Variants in MEGF9 observed in about 807,000 individuals in gnomAD.
MEGF9 encodes multiple EGF like domains 9.
In MEGF9, 6 loss-of-function variants were observed where a neutral mutation model predicts 46.8. The observed-to-expected ratio is 0.13, with a 90% CI of 0.07 to 0.25. MEGF9 has a LOEUF of 0.25. Among genes scored for constraint, MEGF9 ranks in the 10% least tolerant of loss-of-function variants. MEGF9 has a pLI of 1.00. For missense variants in MEGF9, 683 were observed against 792.4 expected (o/e 0.86, Z 1.66); for synonymous variants, 302 against 330.7 (o/e 0.91, Z 0.94).
intron 1 of MEGF9, among the ~76,000 whole-genome samples, chr9:120,663,118 G>A (rs2043710070): frequency 6.6e-6 from 1 of 152,176 alleles, no homozygotes; most frequent in African/African-American, 2.4e-5. Context: ...TAAGAAGGGG[G>A]CTGACACATC....
chr9:120,680,516 G>T (rs2043793352), intron 1 of MEGF9, among the ~76,000 whole-genome samples: 1 of 152,122 alleles, frequency 6.6e-6, no homozygotes, highest in South Asian at 2.1e-4. Flanking sequence ...CTGAAACTGG[G>T]GGTGTGGTAA....
At chr9:120,614,048 C>CCT (rs1176028962) in intron 3 of MEGF9, among the ~76,000 whole-genome samples, 3 of 149,552 alleles carry the variant, frequency 2.0e-5, no homozygotes, top group Non-Finnish European at 4.4e-5. Context: ...AGACGGAGAT[C>CCT]ACTCTGTGGC....
intron 1 of MEGF9, among the ~76,000 whole-genome samples, chr9:120,661,403 G>A (rs1165437322): frequency 2.6e-5 from 4 of 152,176 alleles, no homozygotes; most frequent in Non-Finnish European, 2.9e-5. Flanking sequence ...TGTAGTCCTC[G>A]CTACTCGGGA....
chr9:120,702,584 G>A (rs1588000983), intron 1 of MEGF9, among the ~76,000 whole-genome samples: 1 of 152,128 alleles, frequency 6.6e-6, no homozygotes, highest in Non-Finnish European at 1.5e-5. Flanking sequence ...TTAATATAAT[G>A]TAAACATTTT....
At chr9:120,638,028 T>G (rs1295469815) in intron 2 of MEGF9, among the ~76,000 whole-genome samples, 1 of 152,136 alleles carries the variant, frequency 6.6e-6, no homozygotes, top group Non-Finnish European at 1.5e-5. Flanking sequence ...AGGGTCTCAC[T>G]GTCACCCAGA....
intron 2 of MEGF9, among the ~76,000 whole-genome samples, chr9:120,634,474 T>TTTTTTTTTTTTTTTTTG (rs1428323579): frequency 8.1e-6 from 1 of 123,120 alleles, no homozygotes; most frequent in East Asian, 2.1e-4. Flanking sequence ...TTTTTTTTTT[T>TTTTTTTTTTTTTTTTTG]GAGACGGAGT....
chr9:120,618,815 G>C (rs6478478), intron 3 of MEGF9, among the ~76,000 whole-genome samples: 2,974 of 151,408 alleles, frequency 0.02, 111 homozygotes, highest in African/African-American at 0.069. Flanking sequence ...CAGAAGAATC[G>C]CTTGAACCCG....
intron 2 of MEGF9, among the ~76,000 whole-genome samples, chr9:120,637,178 T>C (rs1164706470): frequency 6.6e-6 from 1 of 152,058 alleles, no homozygotes; most frequent in African/African-American, 2.4e-5. Context: ...TTAAATGGAT[T>C]AAGGGTGGTG....
At chr9:120,619,974 T>G (rs2043490991) in intron 3 of MEGF9, among the ~76,000 whole-genome samples, 1 of 152,200 alleles carries the variant, frequency 6.6e-6, no homozygotes, top group Non-Finnish European at 1.5e-5. Context: ...TAAAGTCACT[T>G]GACGAGAGTG....
chr9:120,635,852 G>A (rs771141365), intron 2 of MEGF9, among the ~76,000 whole-genome samples: 16 of 152,180 alleles, frequency 1.1e-4, no homozygotes, highest in African/African-American at 2.2e-4. Context: ...AGAAAGTGAC[G>A]TTCCTTTGGT....
chr9:120,678,404 A>G (rs552454351), intron 1 of MEGF9, among the ~76,000 whole-genome samples: 14 of 152,194 alleles, frequency 9.2e-5, no homozygotes, highest in Non-Finnish European at 1.8e-4. Flanking sequence ...CCCTCCCACC[A>G]ACACTATACA....
intron 1 of MEGF9, among the ~76,000 whole-genome samples, chr9:120,685,575 A>G (rs2043818247): frequency 6.6e-6 from 1 of 152,146 alleles, no homozygotes; most frequent in African/African-American, 2.4e-5. Context: ...GATTTCATAC[A>G]TCCCATTCAC....
At chr9:120,613,398 T>C (rs1426623608) in intron 3 of MEGF9, among the ~76,000 whole-genome samples, 1 of 151,958 alleles carries the variant, frequency 6.6e-6, no homozygotes, top group Non-Finnish European at 1.5e-5. Flanking sequence ...GGACCTCAAC[T>C]TTATTGAAAT....
chr9:120,665,919 T>C (rs1308896267), intron 1 of MEGF9, among the ~76,000 whole-genome samples: 2 of 152,218 alleles, frequency 1.3e-5, no homozygotes, highest in Non-Finnish European at 2.9e-5. Context: ...TACATGGATT[T>C]ATTTCTGGAT....
At chr9:120,624,872 CA>C (rs35120272) in intron 2 of MEGF9, among the ~76,000 whole-genome samples, 55,824 of 104,184 alleles carry the variant, frequency 0.54, 12,529 homozygotes, top group South Asian at 0.65. Flanking sequence ...GACTCCGTCT[CA>C]AAAAAAAAAA....
At chr9:120,637,790 CAAAAAAAAA>C (rs34861368) in intron 2 of MEGF9, among the ~76,000 whole-genome samples, 9 of 34,774 alleles carry the variant, frequency 2.6e-4, no homozygotes, top group East Asian at 1.4e-3. Context: ...GACTCTGTCT[CAAAAAAAAA>C]AAAAAAAAAA....
intron 4 of MEGF9, among the ~76,000 whole-genome samples, chr9:120,611,861 A>G (rs962155196): frequency 1.6e-5 from 2 of 121,320 alleles, no homozygotes. Flanking sequence ...GGAAGGAAGG[A>G]AGAAAGAGAG....
chr9:120,616,040 T>A (rs983911319), intron 3 of MEGF9, among the ~76,000 whole-genome samples: 14 of 152,108 alleles, frequency 9.2e-5, no homozygotes, highest in Admixed American at 8.5e-4. Flanking sequence ...CAGACATAAA[T>A]AACCAAAGTG....
chr9:120,683,112 T>C (rs2043805841), intron 1 of MEGF9, among the ~76,000 whole-genome samples: 1 of 152,110 alleles, frequency 6.6e-6, no homozygotes. Context: ...GAGTCTGCAT[T>C]TCATCCAACA....
Sources: allele counts gnomAD v4.1 joint callset (sites outside exome capture counted in the v4.1 genomes callset), GRCh38; gene constraint gnomAD v4.1.1; transcripts MANE v1.5; gene names NCBI Gene and HGNC (gene_info 2026-07-23, HGNC 2026-07-21).